The following PRDM10 variants were observed in gnomAD, a reference collection of about 807,000 sequenced individuals.
PRDM10 encodes PR domain zinc finger protein 10.
PRDM10 carries 65 observed loss-of-function variants against 133.1 expected under a neutral mutation model. That is an observed-to-expected ratio of 0.49 (90% CI 0.40 to 0.60). PRDM10 has a LOEUF of 0.60. Among genes scored for constraint, PRDM10 ranks in the 20% least tolerant of loss-of-function variants. The pLI, the probability that PRDM10 is intolerant of heterozygous loss-of-function variation, is 0.00. For missense variants in PRDM10, 1,137 were observed against 1,507.1 expected (o/e 0.75, Z 4.07); for synonymous variants, 582 against 580.4 (o/e 1.00, Z -0.04).
At chr11:129,993,540 A>G (rs1310397033) in intron 1 of PRDM10, among the ~76,000 whole-genome samples, 1 of 151,974 alleles carries the variant, frequency 6.6e-6, no homozygotes, top group Non-Finnish European at 1.5e-5. Flanking sequence ...GCTGGAGTGC[A>G]GTGGTGCGAT....
chr11:129,931,347 G>T (rs1422608297), intron 10 of PRDM10, 89 bp from the exon 11 acceptor site: 7 of 1,463,650 alleles, frequency 4.8e-6, no homozygotes, highest in Non-Finnish European at 6.4e-6. Context: ...AGAATGACTA[G>T]ATTCATAATA....
At chr11:129,984,659 T>C (rs1938312773) in intron 1 of PRDM10, among the ~76,000 whole-genome samples, 1 of 152,144 alleles carries the variant, frequency 6.6e-6, no homozygotes, top group African/African-American at 2.4e-5. Flanking sequence ...TGCAAATCTC[T>C]TCCCTTCATT....
chr11:129,960,171 AT>A (rs1951769489), intron 2 of PRDM10, among the ~76,000 whole-genome samples: 1 of 152,154 alleles, frequency 6.6e-6, no homozygotes, highest in African/African-American at 2.4e-5. Flanking sequence ...TAACTTCTTG[AT>A]TTTGATACTG....
chr11:129,977,504 G>A (rs370552150), intron 1 of PRDM10, among the ~76,000 whole-genome samples: 2 of 152,118 alleles, frequency 1.3e-5, no homozygotes, highest in Non-Finnish European at 2.9e-5. Flanking sequence ...GGATGGGCTC[G>A]ATCTCCTGAC....
chr11:129,950,348 A>G (rs1951551366), intron 4 of PRDM10, among the ~76,000 whole-genome samples: 1 of 152,212 alleles, frequency 6.6e-6, no homozygotes, highest in African/African-American at 2.4e-5. Context: ...TGTCTCCAGA[A>G]AGCAGATCAA....
intron 7 of PRDM10, among the ~76,000 whole-genome samples, chr11:129,939,049 C>A (rs781760506): frequency 2.0e-5 from 3 of 152,234 alleles, no homozygotes; most frequent in Non-Finnish European, 2.9e-5. Flanking sequence ...CTCAGTAGAG[C>A]CTCGTCAGCA....
chr11:129,986,820 C>T (rs1261264959), intron 1 of PRDM10, among the ~76,000 whole-genome samples: 1 of 152,186 alleles, frequency 6.6e-6, no homozygotes, highest in Non-Finnish European at 1.5e-5. Flanking sequence ...AACATGGTTA[C>T]AGCAGGACCA....
chr11:129,994,812 C>T (rs944352295), intron 1 of PRDM10, among the ~76,000 whole-genome samples: 5 of 151,772 alleles, frequency 3.3e-5, no homozygotes, highest in South Asian at 2.1e-4. Flanking sequence ...CCACCATGCC[C>T]GGCTAATTTT....
intron 1 of PRDM10, among the ~76,000 whole-genome samples, chr11:129,976,219 G>A (rs562967930): frequency 1.3e-5 from 2 of 152,166 alleles, no homozygotes; most frequent in African/African-American, 2.4e-5. Flanking sequence ...TTTCCTTCTT[G>A]GATCTCTGAC....
At chr11:129,928,379 G>C (rs1950749495) in intron 11 of PRDM10, among the ~76,000 whole-genome samples, 1 of 151,008 alleles carries the variant, frequency 6.6e-6, no homozygotes, top group Non-Finnish European at 1.5e-5. Flanking sequence ...AATCATGTTT[G>C]TTGATTTGGG....
At chr11:129,902,585 G>C in intron 20 of PRDM10, 69 bp from the exon 21 acceptor site, 2 of 1,536,168 alleles carry the variant, frequency 1.3e-6, no homozygotes, top group Non-Finnish European at 1.8e-6. Context: ...ACTGGGGAAG[G>C]AGGGAGATGT....
chr11:129,938,813 A>C (rs1565479916), intron 7 of PRDM10, among the ~76,000 whole-genome samples: 1 of 152,282 alleles, frequency 6.6e-6, no homozygotes, highest in East Asian at 1.9e-4. Context: ...ATAATCTCCA[A>C]AGGGCTCCAC....
chr11:129,952,948 A>C (rs2135903870), intron 4 of PRDM10, among the ~76,000 whole-genome samples: 1 of 151,980 alleles, frequency 6.6e-6, no homozygotes, highest in African/African-American at 2.4e-5. Flanking sequence ...TTTAGATTGC[A>C]TATCTTATAC....
chr11:129,906,804 C>T (rs1167619994), intron 19 of PRDM10, among the ~76,000 whole-genome samples: 2 of 151,920 alleles, frequency 1.3e-5, no homozygotes, highest in Non-Finnish European at 2.9e-5. Context: ...ATGGTGAAAC[C>T]CCATCCCTGC....
chr11:129,919,004 T>G (rs1008525576), intron 13 of PRDM10, among the ~76,000 whole-genome samples: 5 of 152,146 alleles, frequency 3.3e-5, no homozygotes, highest in Non-Finnish European at 7.3e-5. Context: ...GTAGAGGAGA[T>G]TAAAGAGAAC....
chr11:129,930,475 T>C lies in PRDM10; in HGVS notation c.1530+541A>G, dbSNP rs183631448. ...GACACAGGTCCCGTGACTCAGACAC[T>C]GACTAACTCTCGAACTGACAGCTTT... On this transcript the variant is annotated intron_variant, in intron 11 of 20. Transcript: ENST00000360871. Among the ~76,000 whole-genome samples, 60 of 152,344 alleles carry C rather than the reference T, an allele frequency of 3.9e-4. 1 individual carries two copies. The East Asian group carries it at 0.01, about 26-fold the overall frequency.
In PRDM10 at chr11:129,923,641, C is replaced by A. The variant is rs1017409565; in HGVS notation, c.1879-238G>T. ...TCCGAACCTCCCCGATGACTTGAAA[C>A]GTGAGAGAGAGAGAGAGAGAGAGAG... On this transcript the variant is annotated intron_variant, in intron 12 of 20. Coordinates refer to ENST00000360871, the MANE Select transcript of PRDM10 (RefSeq NM_199437.2). The surrounding 1 kb of genome is among the most constrained non-coding windows in gnomAD (Gnocchi z 4.4). Among the ~76,000 whole-genome samples, 1 of 44,256 alleles carries A rather than the reference C, an allele frequency of 2.3e-5. No individual in the cohort carries two copies. Among genetic ancestry groups the A allele is most frequent in the Non-Finnish European group, 3.7e-5 (1 of 26,812 alleles). 29.0% of individuals were successfully genotyped at this position (44,256 alleles called of 152,430 possible).
chr11:129,931,813 C>T (rs1236561300), intron 10 of PRDM10, among the ~76,000 whole-genome samples: 2 of 152,126 alleles, frequency 1.3e-5, no homozygotes, highest in Non-Finnish European at 2.9e-5. Flanking sequence ...CGTGATCCGC[C>T]CACCTCGGCC....
intron 1 of PRDM10, among the ~76,000 whole-genome samples, chr11:129,998,819 CTT>C (rs11461594): frequency 4.9e-4 from 66 of 136,020 alleles, no homozygotes; most frequent in Middle Eastern, 3.8e-3. Context: ...GGTGTAATAA[CTT>C]TTTTTTTTTT....
Sources: gnomAD v4.1 joint callset for allele counts (sites outside exome capture counted in the v4.1 genomes callset) on GRCh38, gnomAD v4.1.1 for gene constraint, Gnocchi (gnomAD v3.1) non-coding constraint, MANE v1.5 for transcripts, NCBI Gene and HGNC (gene_info 2026-07-23, HGNC 2026-07-21) for gene names.